The following CMTM4 variants were observed in gnomAD, a reference collection of about 807,000 sequenced individuals.
CMTM4 encodes the protein CKLF like MARVEL transmembrane domain containing 4, also known as CKLF-like MARVEL transmembrane domain-containing protein 4.
CMTM4 carries 8 observed loss-of-function variants against 19.0 expected under a neutral mutation model. The observed-to-expected ratio is 0.42, with a 90% CI of 0.25 to 0.76. CMTM4 has a LOEUF of 0.76. Among genes scored for constraint, CMTM4 ranks in the 30% least tolerant of loss-of-function variants. The pLI, the probability that CMTM4 is intolerant of heterozygous loss-of-function variation, is 0.27. For synonymous variants in CMTM4, 106 were observed against 121.1 expected, an observed-to-expected ratio of 0.88 and a Z score of 0.82; for missense variants, 228 against 290.2, an observed-to-expected ratio of 0.79 and a Z score of 1.56.
At chr16:66,658,223 G>GGGAGGGAA (rs148161418) in intron 1 of CMTM4, among the ~76,000 whole-genome samples, 6 of 148,518 alleles carry the variant, frequency 4.0e-5, no homozygotes, top group Non-Finnish European at 5.9e-5. Flanking sequence ...GAGGTAGGGA[G>GGGAGGGAA]GGAGGGAAGG....
Position 66,623,344 on chromosome 16 carries a change from G to A in CMTM4, c.462+60C>T. 7 of 1,258,640 alleles carry A rather than the reference G, an allele frequency of 5.6e-6. No homozygotes were observed. The South Asian group carries it at 9.0e-5, about 16-fold the overall frequency. The allele number at this position is 1,258,640 out of a possible 1,614,324, so 78.0% of individuals were successfully genotyped here. ...GGGAGCAGGACACATGCCAGGGACAGGCGAGCAGGTCACAGGAGGTCCCCA... is the reference window on the plus strand; with the variant it reads ...GGGAGCAGGACACATGCCAGGGACAAGCGAGCAGGTCACAGGAGGTCCCCA... On this transcript the variant is annotated intron_variant, in intron 3 of 3. Coordinates refer to ENST00000394106, the MANE Select transcript of CMTM4 (RefSeq NM_181521.3).
rs532657691 is a variant in CMTM4 at position 66,629,791 on chromosome 16, A to G, written c.364-6289T>C. ...TCAATCACCAAATGGCCAATCAGTC[A>G]TGCCTACCTAGTGAAATCTCCAGAA... On this transcript the variant is annotated intron_variant, in intron 2 of 3. Transcript: ENST00000394106. Among the ~76,000 whole-genome samples the G allele has an allele frequency of 8.2e-4, 125 of 152,256 alleles. 2 individuals carry two copies. The highest frequency in any genetic ancestry group is 4.8e-3 in the South Asian group (23 of 4,826).
intron 1 of CMTM4, among the ~76,000 whole-genome samples, chr16:66,676,207 G>A (rs1256787736): frequency 6.6e-6 from 1 of 152,068 alleles, no homozygotes. Context: ...CATTCACTTG[G>A]GCAATTGCCT....
intron 1 of CMTM4, among the ~76,000 whole-genome samples, chr16:66,694,712 C>CAAAAAA (rs752909314): frequency 2.3e-5 from 1 of 44,364 alleles, no homozygotes; most frequent in African/African-American, 8.4e-5. Context: ...GACTCCATCT[C>CAAAAAA]AAAAAAAAAA....
intron 1 of CMTM4, among the ~76,000 whole-genome samples, chr16:66,650,653 T>C (rs1277122772): frequency 6.6e-6 from 1 of 152,176 alleles, no homozygotes; most frequent in Non-Finnish European, 1.5e-5. Context: ...GTAAAACCTG[T>C]TTACCTTTAC....
chr16:66,632,702 GA>G (rs1273173251), intron 2 of CMTM4, among the ~76,000 whole-genome samples: 3 of 152,148 alleles, frequency 2.0e-5, no homozygotes. Context: ...TCCCAGAAGG[GA>G]AGGGGAGGAA....
chr16:66,636,472 C>T lies in CMTM4; in HGVS notation c.296G>A (p.Gly99Asp). The T allele has an allele frequency of 6.2e-7, 1 of 1,614,132 alleles. No individual in the cohort carries two copies. The highest frequency in any genetic ancestry group is 8.5e-7 in the Non-Finnish European group (1 of 1,180,020). Residue 99 changes from glycine to aspartate, a missense_variant, in exon 2 of 4, where the codon GGC (glycine) becomes GAC (aspartate). Gly to Asp is a moderately conservative substitution (Grantham distance 94, BLOSUM62 -1). This residue lies in a region of CMTM4 where 200 missense variants were observed against 226.6 expected (regional missense o/e 0.88). Coordinates refer to ENST00000394106, the MANE Select transcript of CMTM4 (RefSeq NM_181521.3). ...FVSCSAFVVT[G>D]VLLIMFSLNL... ...GAGACTGAACATAATCAGCAAGACGCCAGTCACCACAAACGCACTGCAGCT... is the reference window on the plus strand; with the variant it reads ...GAGACTGAACATAATCAGCAAGACGTCAGTCACCACAAACGCACTGCAGCT...
chr16:66,611,427 C>T (rs145128932), downstream of CMTM4, among the ~76,000 whole-genome samples: 86 of 151,498 alleles, frequency 5.7e-4, no homozygotes, highest in African/African-American at 2.0e-3. Flanking sequence ...CCAGCCTGGG[C>T]GACAGAGTGA....
Position 66,670,577 on chromosome 16 carries a change from G to A in CMTM4, c.186+25763C>T, listed in dbSNP as rs180957549. On this transcript the variant is annotated intron_variant, in intron 1 of 3. Transcript: ENST00000394106. ...AGCACTTTGGGAGGCCGAGGTAGGC[G>A]GATCACGAGGTCAAGAGACTGAGAC... Among the ~76,000 whole-genome samples the A allele has an allele frequency of 1.9e-4, 29 of 151,880 alleles. 1 individual carries two copies. Among genetic ancestry groups the A allele is most frequent in the South Asian group, 1.7e-3 (8 of 4,808 alleles).
intron 1 of CMTM4, among the ~76,000 whole-genome samples, chr16:66,683,022 T>C (rs1044802812): frequency 3.3e-5 from 5 of 151,054 alleles, no homozygotes; most frequent in African/African-American, 4.9e-5. Flanking sequence ...GATAGTCTAC[T>C]TAAAGTTAAA....
the CMTM4 span, among the ~76,000 whole-genome samples, chr16:66,603,182 G>T: frequency 6.6e-6 from 1 of 152,218 alleles, no homozygotes; most frequent in African/African-American, 2.4e-5. Flanking sequence ...TGTCAGTTAA[G>T]GCTGCTGGGC....
At chr16:66,683,133 A>ATATATATATATATGTATATATATATACG (rs1567431954) in intron 1 of CMTM4, among the ~76,000 whole-genome samples, 6 of 129,548 alleles carry the variant, frequency 4.6e-5, no homozygotes, top group Admixed American at 8.6e-5. Context: ...GTGTGTGTAT[A>ATATATATATATATGTATATATATATACG]TATATATATA....
chr16:66,639,844 T>C (rs553523479), intron 1 of CMTM4, among the ~76,000 whole-genome samples: 18 of 151,862 alleles, frequency 1.2e-4, no homozygotes, highest in Non-Finnish European at 2.4e-4. Context: ...ATGACAAAAC[T>C]TTGTCTCTAC....
intron 1 of CMTM4, among the ~76,000 whole-genome samples, chr16:66,649,824 C>T (rs1250169640): frequency 4.6e-5 from 7 of 152,122 alleles, no homozygotes; most frequent in Admixed American, 4.6e-4. Flanking sequence ...GGCCCCTAAT[C>T]CCTGTACATG....
At position 66,618,028 on chromosome 16, in the gene CMTM4, C is replaced by T. The variant is rs922681027; in HGVS notation, c.*4030G>A. 4 of 985,540 alleles carry T rather than the reference C, an allele frequency of 4.1e-6. No homozygotes were observed. The highest frequency in any genetic ancestry group is 1.7e-5 in the African/African-American group (1 of 57,262). The allele number at this position is 985,540 out of a possible 1,614,324, so 61.0% of individuals were successfully genotyped here. On this transcript the variant is annotated 3_prime_UTR_variant, in exon 4 of 4. Transcript: ENST00000394106. ...ACTGCTTCCTCCCTTATCTCCCAGA[C>T]CTGGCCGTGTGTGGACCTCACCAGC...
intron 1 of CMTM4, among the ~76,000 whole-genome samples, chr16:66,694,800 C>T (rs140954733): frequency 7.1e-4 from 108 of 151,700 alleles, no homozygotes; most frequent in African/African-American, 2.5e-3. Flanking sequence ...AACTAAAAAC[C>T]AATGCATCTT....
intron 1 of CMTM4, among the ~76,000 whole-genome samples, chr16:66,672,957 C>G (rs1469447990): frequency 1.5e-5 from 2 of 136,088 alleles, no homozygotes; most frequent in Non-Finnish European, 3.1e-5. Context: ...GAGTCTTGCT[C>G]CCATCACAGT....
the CMTM4 span, chr16:66,604,960 C>A: frequency 1.3e-6 from 2 of 1,491,336 alleles, no homozygotes; most frequent in Non-Finnish European, 1.8e-6. Flanking sequence ...TCGGTGAGTG[C>A]GGCGGGACCC....
At chr16:66,686,111 G>A (rs1302514223) in intron 1 of CMTM4, among the ~76,000 whole-genome samples, 1 of 151,772 alleles carries the variant, frequency 6.6e-6, no homozygotes, top group African/African-American at 2.4e-5. Flanking sequence ...AAGTTAGCTG[G>A]GCGTGGTGGC....
Sources: gnomAD v4.1 joint callset for allele counts (sites outside exome capture counted in the v4.1 genomes callset) on GRCh38, gnomAD v4.1.1 for gene constraint, gnomAD v4.1.1 regional missense constraint, MANE v1.5 for transcripts, NCBI Gene and HGNC (gene_info 2026-07-23, HGNC 2026-07-21) for gene names.